Variants in ATP7A observed in about 807,000 individuals in gnomAD.
ATP7A encodes copper-transporting ATPase 1.
A neutral mutation model predicts 83.5 loss-of-function variants in ATP7A; 7 were observed. The observed-to-expected ratio is 0.08, with a 90% CI of 0.05 to 0.16. The LOEUF is 0.16. Ranked by LOEUF, ATP7A falls within the 10% of genes least tolerant of loss-of-function variation. ATP7A has a pLI of 1.00. For missense variants in ATP7A, 940 were observed against 1,120.8 expected (o/e 0.84, Z 2.30); for synonymous variants, 354 against 395.2 (o/e 0.90, Z 1.24).
At chrX:78,000,905 T>C (rs1320873756) in intron 5 of ATP7A, among the ~76,000 whole-genome samples, 2 of 111,011 alleles carry the variant, frequency 1.8e-5, no homozygotes, top group African/African-American at 6.5e-5. Flanking sequence ...CCTCAAGTGA[T>C]CCACCCATCT....
intron 2 of ATP7A, among the ~76,000 whole-genome samples, chrX:77,974,422 G>A (rs1194697372): frequency 1.8e-5 from 2 of 111,279 alleles, no homozygotes; most frequent in Non-Finnish European, 3.8e-5. Flanking sequence ...GGGATTGCAG[G>A]TGTGAGCCAC....
chrX:77,979,536 C>A (rs2077593844), intron 2 of ATP7A, among the ~76,000 whole-genome samples: 1 of 111,923 alleles, frequency 8.9e-6, no homozygotes, highest in Non-Finnish European at 1.9e-5. Flanking sequence ...AAGAAATGTA[C>A]ACAAAAAAGA....
At chrX:77,968,900 C>T in intron 1 of ATP7A, 1 of 1,210,470 alleles carries the variant, frequency 8.3e-7, no homozygotes, top group Non-Finnish European at 1.1e-6. Flanking sequence ...CCCTGGGCAG[C>T]CACAGCTTCT....
intron 14 of ATP7A, among the ~76,000 whole-genome samples, chrX:78,024,062 C>G (rs1489633271): frequency 9.0e-6 from 1 of 111,164 alleles, no homozygotes; most frequent in Non-Finnish European, 1.9e-5. Flanking sequence ...TGTCCTTTCC[C>G]CATTGTTTGT....
At chrX:78,005,683 C>CAAAAAAAAAAAAAAAAAAAAAA (rs1218646073) in intron 6 of ATP7A, among the ~76,000 whole-genome samples, 3 of 13,696 alleles carry the variant, frequency 2.2e-4, no homozygotes, top group Non-Finnish European at 3.7e-4. Context: ...AACTCCATCT[C>CAAAAAAAAAAAAAAAAAAAAAA]AAAAAAAAAA....
intron 16 of ATP7A, 40 bp from the exon 17 acceptor site, chrX:78,033,565 T>C: frequency 1.7e-6 from 2 of 1,155,881 alleles, no homozygotes; most frequent in African/African-American, 1.8e-5. Flanking sequence ...CCTTGCATTA[T>C]CAGAACAGTA....
intron 1 of ATP7A, among the ~76,000 whole-genome samples, chrX:77,947,683 G>T (rs782150848): frequency 9.4e-6 from 1 of 106,735 alleles, no homozygotes; most frequent in Non-Finnish European, 1.9e-5. Flanking sequence ...TGATCTGTCC[G>T]CCTCGGCCTC....
intron 7 of ATP7A, chrX:78,009,464 G>T (rs1461783280): frequency 4.3e-6 from 2 of 463,830 alleles, no homozygotes; most frequent in Non-Finnish European, 7.5e-6. Context: ...TTAGGCAAAG[G>T]TACATTTACA....
At chrX:78,033,101 AT>A in intron 16 of ATP7A, among the ~76,000 whole-genome samples, 1 of 111,268 alleles carries the variant, frequency 9.0e-6, no homozygotes, top group African/African-American at 3.3e-5. Flanking sequence ...TAAAACAAAG[AT>A]TTTTTTTTAT....
At chrX:77,987,808 T>G (rs2077647321) in intron 2 of ATP7A, among the ~76,000 whole-genome samples, 2 of 111,576 alleles carry the variant, frequency 1.8e-5, no homozygotes, top group Non-Finnish European at 3.8e-5. Context: ...GTTATACATA[T>G]TTTTAGGAAA....
At chrX:77,951,668 C>T (rs1186302367) in intron 1 of ATP7A, among the ~76,000 whole-genome samples, 1 of 110,095 alleles carries the variant, frequency 9.1e-6, no homozygotes, top group African/African-American at 3.3e-5. Flanking sequence ...CACCCTCTGC[C>T]TCCCAGGTTC....
chrX:77,955,287 T>C (rs1557227213), intron 1 of ATP7A, among the ~76,000 whole-genome samples: 1 of 112,032 alleles, frequency 8.9e-6, no homozygotes, highest in East Asian at 2.8e-4. Flanking sequence ...TTTTATTTTA[T>C]TTTTTATTCA....
chrX:78,011,715 A>G, intron 9 of ATP7A, 41 bp downstream of exon 9: 1 of 1,165,033 alleles, frequency 8.6e-7, no homozygotes, highest in Non-Finnish European at 1.2e-6. Flanking sequence ...AATAATAAAA[A>G]ATAAGCAAAA....
chrX:78,041,424 C>T (rs2078047683), intron 19 of ATP7A, among the ~76,000 whole-genome samples: 1 of 109,338 alleles, frequency 9.1e-6, no homozygotes, highest in Non-Finnish European at 1.9e-5. Context: ...TACATGCATA[C>T]ACCACCACGC....
chrX:77,945,373 T>A (rs1557226071), intron 1 of ATP7A, among the ~76,000 whole-genome samples: 2 of 109,806 alleles, frequency 1.8e-5, no homozygotes, highest in African/African-American at 6.7e-5. Context: ...AGAGGCGGTG[T>A]TTCGCCATGT....
intron 6 of ATP7A, among the ~76,000 whole-genome samples, chrX:78,004,491 G>GT (rs1260591120): frequency 1.8e-5 from 2 of 112,454 alleles, no homozygotes; most frequent in Non-Finnish European, 3.8e-5. Flanking sequence ...GCTCACGCCT[G>GT]TAATCTCAGC....
chrX:77,948,327 C>T (rs1025719595), intron 1 of ATP7A, among the ~76,000 whole-genome samples: 1 of 108,509 alleles, frequency 9.2e-6, no homozygotes, highest in Non-Finnish European at 1.9e-5. Flanking sequence ...GGGGTTTCAC[C>T]GTGTTAGCCA....
chrX:78,011,962 G>C (rs1557234612), intron 9 of ATP7A, among the ~76,000 whole-genome samples: 2 of 101,572 alleles, frequency 2.0e-5, no homozygotes, highest in Non-Finnish European at 4.0e-5. Flanking sequence ...TTTTTTTTTA[G>C]AGATGGGGTT....
At chrX:77,940,388 G>A (rs1238970194) in intron 1 of ATP7A, among the ~76,000 whole-genome samples, 4 of 111,387 alleles carry the variant, frequency 3.6e-5, no homozygotes, top group African/African-American at 1.3e-4. Context: ...TCAGGTAGAT[G>A]AGGAAAGAGT....
Sources: gnomAD v4.1 joint callset for allele counts (sites outside exome capture counted in the v4.1 genomes callset) on GRCh38, gnomAD v4.1.1 for gene constraint, MANE v1.5 for transcripts, NCBI Gene and HGNC (gene_info 2026-07-23, HGNC 2026-07-21) for gene names.